The following USP47 variants were observed in gnomAD, a reference collection of about 807,000 sequenced individuals.
USP47 encodes the protein ubiquitin specific peptidase 47.
Under a neutral mutation model 165.1 loss-of-function variants are expected in USP47, and 35 were observed. The observed-to-expected ratio is 0.21, with a 90% CI of 0.16 to 0.28. The LOEUF is 0.28. USP47 is among the 10% of genes least tolerant of loss of function. The pLI is 1.00. For missense variants in USP47, 1,277 were observed against 1,607.4 expected (o/e 0.79, Z 3.52); for synonymous variants, 531 against 544.5 (o/e 0.98, Z 0.35).
At chr11:11,935,166 T>C (rs1345965905) in intron 16 of USP47, among the ~76,000 whole-genome samples, 3 of 152,118 alleles carry the variant, frequency 2.0e-5, no homozygotes, top group African/African-American at 2.4e-5. Flanking sequence ...ATAGCACTTA[T>C]CAGTATTGAA....
intron 1 of USP47, among the ~76,000 whole-genome samples, chr11:11,859,851 C>G (rs1849272442): frequency 6.6e-6 from 1 of 152,242 alleles, no homozygotes; most frequent in Admixed American, 6.5e-5. Context: ...CGCCTGTAAT[C>G]CCAGCACTTT....
At chr11:11,843,885 C>T (rs1242960598) in intron 1 of USP47, among the ~76,000 whole-genome samples, 2 of 152,204 alleles carry the variant, frequency 1.3e-5, no homozygotes, top group African/African-American at 4.8e-5. Context: ...AAATTCATCA[C>T]AACTTATGTT....
rs748498182 is a variant in USP47 at position 11,936,500 on chromosome 11, T to C, written c.2067T>C (p.Tyr689=). ...AGCCTGATCAGGTTTTCCAATCTTA[T>C]AAACCTGGAGGTGAGCAATTTTACA... ...TRKPDQVFQS[Y]KPGEVMVKVH... Residue 689 remains tyrosine, a synonymous_variant, in exon 17 of 28, where the codon TAT becomes TAC. Coordinates refer to ENST00000527733, the MANE Select transcript of USP47 (RefSeq NM_001282659.2). 19 of 1,587,588 alleles carry C rather than the reference T, an allele frequency of 1.2e-5. No homozygotes were observed. The highest frequency in any genetic ancestry group is 8.4e-5 in the Admixed American group (5 of 59,338).
At chr11:11,890,752 A>G (rs1260316689) in intron 3 of USP47, among the ~76,000 whole-genome samples, 1 of 152,194 alleles carries the variant, frequency 6.6e-6, no homozygotes, top group Non-Finnish European at 1.5e-5. Flanking sequence ...AAAGACATGG[A>G]ATCAACCTAA....
At chr11:11,943,148 G>C (rs1855596936) in intron 20 of USP47, 36 bp downstream of exon 20, 11 of 1,555,812 alleles carry the variant, frequency 7.1e-6, no homozygotes, top group Non-Finnish European at 8.7e-6. Flanking sequence ...CCTTGAAACA[G>C]CATCAGTTTT....
intron 1 of USP47, among the ~76,000 whole-genome samples, chr11:11,873,203 A>C (rs1307269421): frequency 1.3e-5 from 2 of 149,916 alleles, no homozygotes; most frequent in Non-Finnish European, 2.9e-5. Context: ...TTATTAACTG[A>C]AGAAGGGAGA....
In USP47 at chr11:11,899,232, A is replaced by G. The variant is rs183694579; in HGVS notation, c.593+1539A>G. Among the ~76,000 whole-genome samples, 13 of 152,342 alleles carry G rather than the reference A, an allele frequency of 8.5e-5. No homozygotes were observed. The East Asian group carries it at 2.1e-3, about 25-fold the overall frequency. On this transcript the variant is annotated intron_variant, in intron 5 of 27. Coordinates refer to ENST00000527733, the MANE Select transcript of USP47 (RefSeq NM_001282659.2). ...CTAGCACAGACCAGATCGTTGGACA[A>G]TGTGCCTGTTTTAGGGAGTATGCAC...
rs1348838262 is a variant in USP47 at position 11,952,862 on chromosome 11, G to A, written c.3705G>A (p.Leu1235=). The A allele has an allele frequency of 3.1e-6, 5 of 1,601,350 alleles. No homozygotes were observed. Among genetic ancestry groups the A allele is most frequent in the Admixed American group, 1.7e-5 (1 of 58,664 alleles). ...VVLESSSVDE[L]REKLSEISGI... is the part of the protein sequence containing the mutation. The stretch of plus-strand genomic sequence containing the variant: ...TGGAAAGCAGTAGTGTGGACGAATT[G>A]CGAGAGAAGGTAAGTTCATTTTAAA... Residue 1235 remains leucine (L), a synonymous_variant, in exon 25 of 28, where the codon TTG becomes TTA. Transcript: ENST00000527733.
intron 12 of USP47, among the ~76,000 whole-genome samples, chr11:11,929,826 G>A (rs1320311033): frequency 1.3e-5 from 2 of 152,118 alleles, no homozygotes; most frequent in Non-Finnish European, 2.9e-5. Flanking sequence ...AACCTTCATA[G>A]GTGCTACTTG....
In USP47 at chr11:11,888,483, C is replaced by T. The variant is rs111244432; in HGVS notation, c.358-3485C>T. On this transcript the variant is annotated intron_variant, in intron 3 of 27. Transcript: ENST00000527733. The stretch of plus-strand genomic sequence containing the variant: ...TGGATAAATTCCTGGACACATACAC[C>T]GTTCCAAGACTGAACTAGGAAGAAA... Among the ~76,000 whole-genome samples the T allele has an allele frequency of 9.0e-3, 1,367 of 152,092 alleles. 18 individuals carry two copies. Among genetic ancestry groups the T allele is most frequent in the African/African-American group, 0.025 (1,040 of 41,488 alleles).
chr11:11,907,981 G>A (rs879799014), intron 8 of USP47, among the ~76,000 whole-genome samples: 7 of 152,020 alleles, frequency 4.6e-5, no homozygotes, highest in Admixed American at 3.9e-4. Flanking sequence ...CCAGCTACTC[G>A]GGAGGCAGAG....
rs1847360411 is a variant in USP47 at position 11,959,478 on chromosome 11, A to C, written c.*3303A>C. ...TTTTATGAGGGTTTCAAAGGAGTTC[A>C]TGGCCCAAATGAAGCTTGTGGCCAC... On this transcript the variant is annotated 3_prime_UTR_variant, in exon 28 of 28. Transcript: ENST00000527733. 2.0e-5 allele frequency among the ~76,000 whole-genome samples: 3 copies of C among 152,188 alleles called. No individual in the cohort carries two copies. Among genetic ancestry groups the C allele is most frequent in the African/African-American group, 4.8e-5 (2 of 41,432 alleles).
At chr11:11,900,008 G>T (rs1852098011) in intron 5 of USP47, among the ~76,000 whole-genome samples, 1 of 152,136 alleles carries the variant, frequency 6.6e-6, no homozygotes. Flanking sequence ...ACTATCTAGA[G>T]AGTAGCACTA....
At chr11:11,863,051 T>A (rs1488746629) in intron 1 of USP47, among the ~76,000 whole-genome samples, 1 of 152,206 alleles carries the variant, frequency 6.6e-6, no homozygotes, top group Non-Finnish European at 1.5e-5. Context: ...GGAATGGAGT[T>A]GAAGATAAAG....
intron 9 of USP47, 23 bp downstream of exon 9, chr11:11,920,274 T>C: frequency 6.2e-7 from 1 of 1,606,388 alleles, no homozygotes; most frequent in South Asian, 1.1e-5. Flanking sequence ...TAGAGATTAA[T>C]ACTTAGGAAT....
chr11:11,932,798 T>A (rs1353351632), intron 14 of USP47, among the ~76,000 whole-genome samples: 2 of 152,180 alleles, frequency 1.3e-5, no homozygotes, highest in Admixed American at 6.5e-5. Flanking sequence ...CTTTAAGATA[T>A]GGACCTAACC....
intron 13 of USP47, 104 bp downstream of exon 13, chr11:11,930,224 A>G: frequency 9.5e-7 from 1 of 1,054,872 alleles, no homozygotes; most frequent in South Asian, 1.5e-5. Flanking sequence ...AGGAACTACA[A>G]CCCATGAGCC....
intron 8 of USP47, among the ~76,000 whole-genome samples, chr11:11,906,649 G>A (rs72856401): frequency 1.3e-5 from 2 of 152,004 alleles, no homozygotes; most frequent in African/African-American, 2.4e-5. Flanking sequence ...TTCATAGTCG[G>A]CTTCCTGAGT....
chr11:11,876,914 A>T (rs1850461034), intron 1 of USP47, among the ~76,000 whole-genome samples: 1 of 152,216 alleles, frequency 6.6e-6, no homozygotes, highest in African/African-American at 2.4e-5. Context: ...AAAAGGAAAA[A>T]AAAAAGAATG....
Sources: gnomAD v4.1 joint callset for allele counts (sites outside exome capture counted in the v4.1 genomes callset) on GRCh38, gnomAD v4.1.1 for gene constraint, MANE v1.5 for transcripts, NCBI Gene and HGNC (gene_info 2026-07-23, HGNC 2026-07-21) for gene names.